Variants in ZNF608 observed in about 807,000 individuals in gnomAD.
ZNF608 encodes the protein renal carcinoma antigen NY-REN-36.
ZNF608 carries 12 observed loss-of-function variants against 109.0 expected under a neutral mutation model. The observed-to-expected ratio is 0.11, with a 90% confidence interval of 0.07 to 0.18. The LOEUF (loss-of-function observed/expected upper bound fraction) is 0.18, where lower values mean the gene tolerates loss of function less well. ZNF608 is among the 10% of genes least tolerant of loss of function. The pLI, the probability that ZNF608 is intolerant of heterozygous loss-of-function variation, is 1.00. For missense variants in ZNF608, 1,707 were observed against 1,879.3 expected (o/e 0.91, Z 1.70); for synonymous variants, 732 against 717.4 (o/e 1.02, Z -0.33).
In ZNF608 at chr5:124,691,236, G is replaced by A. The variant is rs566190752; in HGVS notation, c.1162+9778C>T. On this transcript the variant is annotated intron_variant, in intron 3 of 9. Transcript: ENST00000513986. ...GCTGCACTCCAGGCTGGGTGACATA[G>A]CAAGACCCTGTCTCTTTTATTTAAA... is the stretch of plus-strand genomic sequence containing the variant. Among the ~76,000 whole-genome samples, 238 of 151,936 alleles carry A rather than the reference G, an allele frequency of 1.6e-3. 1 individual carries two copies. Among genetic ancestry groups the A allele is most frequent in the African/African-American group, 5.5e-3 (228 of 41,408 alleles).
At chr5:124,732,316 C>A (rs1748943506) in intron 2 of ZNF608, among the ~76,000 whole-genome samples, 1 of 151,976 alleles carries the variant, frequency 6.6e-6, no homozygotes, top group South Asian at 2.1e-4. Flanking sequence ...ACAGTTTATA[C>A]ACAAAAGAGC....
chr5:124,649,177 G>C, intron 4 of ZNF608, 44 bp from the exon 5 acceptor site: 1 of 1,486,484 alleles, frequency 6.7e-7, no homozygotes, highest in South Asian at 1.4e-5. Flanking sequence ...ATCCCCAAAA[G>C]AGCCAGGTGA....
chr5:124,654,390 C>G (rs1251248834), intron 3 of ZNF608, among the ~76,000 whole-genome samples: 3 of 152,110 alleles, frequency 2.0e-5, no homozygotes, highest in African/African-American at 7.2e-5. Flanking sequence ...TTTTTAATTC[C>G]CCTAAAAGAA....
chr5:124,687,863 CAGA>C (rs1353835331), intron 3 of ZNF608, among the ~76,000 whole-genome samples: 1 of 151,972 alleles, frequency 6.6e-6, no homozygotes, highest in Non-Finnish European at 1.5e-5. Flanking sequence ...TAGTTATATA[CAGA>C]AGAAGACAAG....
chr5:124,643,475 C>G (rs745622057), intron 7 of ZNF608, 36 bp downstream of exon 7: 1 of 1,603,396 alleles, frequency 6.2e-7, no homozygotes, highest in Non-Finnish European at 8.5e-7. Context: ...CTCCCCAAAT[C>G]ACAGTACTTT....
intron 2 of ZNF608, among the ~76,000 whole-genome samples, chr5:124,704,675 C>T (rs1403551417): frequency 6.6e-6 from 1 of 152,046 alleles, no homozygotes; most frequent in Non-Finnish European, 1.5e-5. Flanking sequence ...CTCTCCTGGG[C>T]CCACATTCCT....
Position 124,648,124 on chromosome 5 carries a change from T to G in ZNF608, c.2260A>C (p.Thr754Pro), listed in dbSNP as rs180847702. Residue 754 changes from threonine to proline, a missense_variant, in exon 5 of 10, where the codon ACT becomes CCT. Transcript: ENST00000513986. ...GTGGTGGTCGTTGTAAAGGTTGCAG[T>G]GGGTATAGCGATTAGCTGCGGGGGA... ...PTPPQLIAIP[T>P]ATFTTTTTGT... The G allele has an allele frequency of 1.5e-4, 230 of 1,565,270 alleles. 1 individual carries two copies. In the East Asian group the frequency reaches 5.1e-3, roughly 35 times the overall value.
At chr5:124,718,775 A>G (rs1191287963) in intron 2 of ZNF608, among the ~76,000 whole-genome samples, 1 of 152,182 alleles carries the variant, frequency 6.6e-6, no homozygotes, top group African/African-American at 2.4e-5. Context: ...GTTTTTCACT[A>G]GCATATGGGA....
intron 3 of ZNF608, among the ~76,000 whole-genome samples, chr5:124,672,994 A>G (rs1040359787): frequency 1.3e-5 from 2 of 152,212 alleles, no homozygotes; most frequent in African/African-American, 4.8e-5. Flanking sequence ...AAAAAAGGGT[A>G]ACTGCAGTGG....
intron 3 of ZNF608, among the ~76,000 whole-genome samples, chr5:124,696,278 T>C (rs560334097): frequency 3.3e-5 from 5 of 152,268 alleles, no homozygotes; most frequent in Non-Finnish European, 7.4e-5. Context: ...ATCAGTTTCC[T>C]TCCTTGAAAA....
chr5:124,679,273 G>A (rs1157358611), intron 3 of ZNF608, among the ~76,000 whole-genome samples: 1 of 152,134 alleles, frequency 6.6e-6, no homozygotes, highest in African/African-American at 2.4e-5. Context: ...TGAGCAACAT[G>A]GGAGGGAGCG....
rs746794126 is a variant in ZNF608 at position 124,745,021 on chromosome 5, G to A, written c.-32C>T. ...GATGAGCTCTCTAGAATAAAAATCC[G>A]ATGAACTTTTCTTTGGAGATGAGGG... On this transcript the variant is annotated 5_prime_UTR_variant, in exon 2 of 10. Coordinates refer to ENST00000513986, the MANE Select transcript of ZNF608 (RefSeq NM_020747.3). 1.9e-6 allele frequency: 3 copies of A among 1,557,362 alleles called. No homozygotes were observed. The highest frequency in any genetic ancestry group is 2.6e-6 in the Non-Finnish European group (3 of 1,155,338).
chr5:124,697,315 A>G lies in ZNF608; in HGVS notation c.1162+3699T>C, dbSNP rs143673713. Among the ~76,000 whole-genome samples the G allele has an allele frequency of 3.6e-3, 540 of 150,964 alleles. 3 individuals are homozygous for G. Among genetic ancestry groups the G allele is most frequent in the Middle Eastern group, 0.01 (3 of 290 alleles). ...AAGGCTAAAAAGCCAAGTTCAGCAC[A>G]TATGTATTTACACATATTGCTATAT... On this transcript the variant is annotated intron_variant, in intron 3 of 9. Coordinates refer to ENST00000513986, the MANE Select transcript of ZNF608 (RefSeq NM_020747.3).
rs1280237913 is a variant in ZNF608 at position 124,648,156 on chromosome 5, G to A, written c.2228C>T (p.Ala743Val). Reference protein sequence around the residue: ...KSARPIAPAPAPTPPQLIAIP... With the variant: ...KSARPIAPAPVPTPPQLIAIP... ...AGCGATTAGCTGCGGGGGAGTGGGG[G>A]CTGGGGCAGGGGCAATGGGCCGGGC... The change falls in exon 5 of 10, where the codon GCC (alanine) becomes GTC (valine). Residue 743 changes from alanine to valine, a missense_variant. This residue lies in a region of ZNF608 where 1,073 missense variants were observed against 1,133.5 expected (regional missense o/e 0.95). Coordinates refer to ENST00000513986, the MANE Select transcript of ZNF608 (RefSeq NM_020747.3). The A allele has an allele frequency of 1.9e-6, 3 of 1,613,166 alleles. No homozygotes were observed. The highest frequency in any genetic ancestry group is 2.5e-6 in the Non-Finnish European group (3 of 1,179,694).
At chr5:124,726,662 TAAAAAAAAAAAAA>T (rs142658513) in intron 2 of ZNF608, among the ~76,000 whole-genome samples, 1 of 135,572 alleles carries the variant, frequency 7.4e-6, no homozygotes, top group African/African-American at 2.7e-5. Flanking sequence ...AAGATTTGTT[TAAAAAAAAAAAAA>T]AAAAAAAAAG....
intron 3 of ZNF608, among the ~76,000 whole-genome samples, chr5:124,682,285 C>G (rs1381341226): frequency 6.6e-6 from 1 of 152,236 alleles, no homozygotes; most frequent in Admixed American, 6.5e-5. Context: ...GTTGGCCAGC[C>G]TGGTCTCAAA....
Position 124,744,332 on chromosome 5 carries a change from C to T in ZNF608, c.658G>A (p.Gly220Ser), listed in dbSNP as rs745584668. ...TGGCTGCCACTGCCATTCTGGTGGC[C>T]CTGAAGCAGGTCGTGCTTGTCCTTC... is the stretch of plus-strand genomic sequence containing the variant. ...SRKDKHDLLQ[G>S]HQNGSGSQAP... The change falls in exon 2 of 10, where the codon GGC becomes AGC. Residue 220 changes from glycine to serine, a missense_variant. Coordinates refer to ENST00000513986, the MANE Select transcript of ZNF608 (RefSeq NM_020747.3). The surrounding 1 kb of genome is among the most constrained non-coding windows in gnomAD (Gnocchi z 4.5). 5.0e-6 allele frequency: 8 copies of T among 1,614,218 alleles called. No individual in the cohort carries two copies. In the South Asian group the frequency reaches 8.8e-5, roughly 18 times the overall value.
At chr5:124,656,756 A>T (rs937545109) in intron 3 of ZNF608, among the ~76,000 whole-genome samples, 5 of 151,044 alleles carry the variant, frequency 3.3e-5, no homozygotes, top group African/African-American at 1.2e-4. Context: ...TTAAAAAAAA[A>T]ATCTGAAAGG....
intron 2 of ZNF608, among the ~76,000 whole-genome samples, chr5:124,733,797 C>A (rs1749020002): frequency 1.3e-5 from 2 of 152,122 alleles, no homozygotes; most frequent in Non-Finnish European, 1.5e-5. Context: ...ACAAAGAGCA[C>A]TCCGACTTCT....
Sources: allele counts gnomAD v4.1 joint callset (sites outside exome capture counted in the v4.1 genomes callset), GRCh38; gene constraint gnomAD v4.1.1; regional missense constraint gnomAD v4.1.1; non-coding constraint Gnocchi (gnomAD v3.1); transcripts MANE v1.5; gene names NCBI Gene and HGNC (gene_info 2026-07-23, HGNC 2026-07-21).